The following PSPC1 variants were observed in gnomAD, a reference collection of about 807,000 sequenced individuals.
PSPC1 encodes paraspeckle component 1.
Under a neutral mutation model 51.6 loss-of-function variants are expected in PSPC1, and 14 were observed. That is an observed-to-expected ratio of 0.27 (90% CI 0.18 to 0.42). The LOEUF (loss-of-function observed/expected upper bound fraction) is 0.42. Among genes scored for constraint, PSPC1 ranks in the 10% least tolerant of loss-of-function variants. The pLI is 1.00. For synonymous variants in PSPC1, 193 were observed against 231.9 expected (o/e 0.83, Z 1.53); for missense variants, 406 against 701.1 (o/e 0.58, Z 4.75).
intron 2 of PSPC1, among the ~76,000 whole-genome samples, chr13:19,759,689 C>T (rs989472785): frequency 6.6e-6 from 1 of 151,778 alleles, no homozygotes; most frequent in African/African-American, 2.4e-5. Flanking sequence ...GGTGAAATTC[C>T]ATCTCTAGTA....
At chr13:19,757,045 G>A (rs1308002443) in intron 3 of PSPC1, among the ~76,000 whole-genome samples, 1 of 151,148 alleles carries the variant, frequency 6.6e-6, no homozygotes, top group African/African-American at 2.4e-5. Context: ...CAGGCGAATT[G>A]CTTGAACCTG....
rs547927744 is a variant in PSPC1 at position 19,745,050 on chromosome 13, G to A, written c.968-3401C>T. Among the ~76,000 whole-genome samples, 4 of 152,304 alleles carry A rather than the reference G, an allele frequency of 2.6e-5. No homozygotes were observed. In the South Asian group the frequency reaches 6.2e-4, roughly 24 times the overall value. ...CTTACCAAAGTGGGAGGCTGCCTCG[G>A]CCTCCGAAAGTAATCCCAGCACTTT... On this transcript the variant is annotated intron_variant, in intron 4 of 8. Transcript: ENST00000338910.
intron 3 of PSPC1, among the ~76,000 whole-genome samples, chr13:19,757,154 A>C (rs1266116873): frequency 4.0e-5 from 6 of 151,742 alleles, no homozygotes; most frequent in Non-Finnish European, 8.8e-5. Context: ...AAAAGAAAGA[A>C]AGACTGTCCT....
intron 5 of PSPC1, among the ~76,000 whole-genome samples, chr13:19,732,331 G>A (rs1462033299): frequency 6.6e-6 from 1 of 152,054 alleles, no homozygotes; most frequent in Non-Finnish European, 1.5e-5. Flanking sequence ...ATGGGTGTGG[G>A]TGGCGATGGG....
At chr13:19,707,892 T>G (rs567577601) in intron 7 of PSPC1, among the ~76,000 whole-genome samples, 5 of 152,168 alleles carry the variant, frequency 3.3e-5, no homozygotes, top group African/African-American at 1.2e-4. Context: ...ACATGGATTA[T>G]ATTAAATAGC....
chr13:19,742,901 CCTAA>C (rs1332819871), intron 4 of PSPC1, among the ~76,000 whole-genome samples: 8 of 138,994 alleles, frequency 5.8e-5, no homozygotes, highest in African/African-American at 8.2e-5. Context: ...GAAATTCCTC[CCTAA>C]CTAAGCCAAT....
intron 1 of PSPC1, among the ~76,000 whole-genome samples, chr13:19,773,439 CG>C (rs1888807164): frequency 6.6e-6 from 1 of 151,574 alleles, no homozygotes; most frequent in African/African-American, 2.4e-5. Flanking sequence ...TTAGTAGAGA[CG>C]GGGTTTCACC....
intron 4 of PSPC1, among the ~76,000 whole-genome samples, chr13:19,747,187 A>G (rs1364822565): frequency 6.6e-6 from 1 of 152,256 alleles, no homozygotes. Flanking sequence ...TGCTTTTAAA[A>G]ACAAACTGAA....
At position 19,730,967 on chromosome 13, in the gene PSPC1, A is replaced by AAAAAC. The variant is rs1566002415; in HGVS notation, c.1053-624_1053-623insGTTTT. Among the ~76,000 whole-genome samples, 36 of 140,444 alleles carry AAAAAC rather than the reference A, an allele frequency of 2.6e-4. 2 individuals carry two copies. The highest frequency in any genetic ancestry group is 4.7e-4 in the Non-Finnish European group (30 of 63,502). 92.1% of individuals were successfully genotyped at this position (140,444 alleles called of 152,430 possible). ...CTCAGAAAAAAAAAACAAAAAAACAAAAAAAAAAAAAACAGAAAAAGTCTG... is the reference window on the plus strand; with the variant it reads ...CTCAGAAAAAAAAAACAAAAAAACAAAAAACAAAAAAAAAAAACAGAAAAAGTCTG... On this transcript the variant is annotated intron_variant, in intron 5 of 8. Transcript: ENST00000338910.
intron 5 of PSPC1, among the ~76,000 whole-genome samples, chr13:19,730,946 GAAAAAAAAAACAAAAAAAC>G (rs1378174752): frequency 1.6e-4 from 4 of 25,250 alleles, no homozygotes; most frequent in Non-Finnish European, 3.1e-4. Context: ...CCCTGTCTCA[GAAAAAAAAAACAAAAAAAC>G]AAAAAAAAAA....
At position 19,741,548 on chromosome 13, in the gene PSPC1, A is replaced by C. The variant is rs775851726; in HGVS notation, c.1052+17T>G. 2.6e-6 allele frequency: 4 copies of C among 1,516,778 alleles called. No homozygotes were observed. In the South Asian group the frequency reaches 4.8e-5, roughly 18 times the overall value. 94.0% of individuals were successfully genotyped at this position (1,516,778 alleles called of 1,614,324 possible). On this transcript the variant is annotated intron_variant, in intron 5 of 8. Transcript: ENST00000338910. ...TAAGACATACAATTCATGTTTCTTA[A>C]AATGATCTTCTTTTACCTTAGTTGT...
At chr13:19,741,753 A>G (rs56004204) in intron 4 of PSPC1, 104 bp from the exon 5 acceptor site, 1 of 623,560 alleles carries the variant, frequency 1.6e-6, no homozygotes, top group Non-Finnish European at 2.7e-6. Flanking sequence ...TTGGTATATT[A>G]CTCATTTTAT....
At chr13:19,752,649 A>C (rs1230367380) in intron 3 of PSPC1, among the ~76,000 whole-genome samples, 2 of 151,688 alleles carry the variant, frequency 1.3e-5, no homozygotes, top group Non-Finnish European at 2.9e-5. Flanking sequence ...GCAATGGTAT[A>C]ATCTCAGCTC....
At chr13:19,691,284 G>A (rs559385189) in intron 6 of PSPC1, among the ~76,000 whole-genome samples, 3 of 152,192 alleles carry the variant, frequency 2.0e-5, no homozygotes, top group Non-Finnish European at 4.4e-5. Context: ...ACTTTGGGAG[G>A]CCAAGGCGGG....
intron 2 of PSPC1, among the ~76,000 whole-genome samples, chr13:19,771,149 T>C (rs948541814): frequency 6.6e-6 from 1 of 152,032 alleles, no homozygotes; most frequent in African/African-American, 2.4e-5. Context: ...TTTTTGGTTT[T>C]GTTTTTTAGG....
At chr13:19,722,455 G>A (rs900065092) in intron 6 of PSPC1, among the ~76,000 whole-genome samples, 3 of 151,334 alleles carry the variant, frequency 2.0e-5, no homozygotes, top group South Asian at 2.1e-4. Context: ...CGCTATGATC[G>A]TGCCACTGAA....
intron 6 of PSPC1, among the ~76,000 whole-genome samples, chr13:19,726,588 G>C (rs1024906726): frequency 2.0e-5 from 3 of 152,144 alleles, no homozygotes; most frequent in Admixed American, 6.5e-5. Context: ...AAAGCTCCTT[G>C]AGTGTTTATT....
At chr13:19,704,898 CA>C (rs1880452482) in intron 8 of PSPC1, among the ~76,000 whole-genome samples, 1 of 152,014 alleles carries the variant, frequency 6.6e-6, no homozygotes, top group South Asian at 2.1e-4. Flanking sequence ...TGGAAATACA[CA>C]AAAACTTTAA....
At chr13:19,726,945 A>G (rs1034477082) in intron 6 of PSPC1, among the ~76,000 whole-genome samples, 5 of 152,218 alleles carry the variant, frequency 3.3e-5, no homozygotes, top group Non-Finnish European at 5.9e-5. Flanking sequence ...GTGTTGAAAC[A>G]CCTAGGGCTA....
Sources: allele counts gnomAD v4.1 joint callset (sites outside exome capture counted in the v4.1 genomes callset), GRCh38; gene constraint gnomAD v4.1.1; transcripts MANE v1.5; gene names NCBI Gene and HGNC (gene_info 2026-07-23, HGNC 2026-07-21).